GTF2E2: variants seen among roughly 807,000 people sequenced by gnomAD.
GTF2E2 encodes the protein transcription initiation factor IIE subunit beta.
GTF2E2 carries 21 observed loss-of-function variants against 40.5 expected under a neutral mutation model. The ratio of observed to expected loss-of-function variants is 0.52; its 90% CI spans 0.37 to 0.75. The LOEUF is 0.75. GTF2E2 is among the 30% of genes least tolerant of loss of function. The pLI is 0.00. For missense variants in GTF2E2, 298 were observed against 338.4 expected, an observed-to-expected ratio of 0.88 and a Z score of 0.94; for synonymous variants, 117 against 121.6, an observed-to-expected ratio of 0.96 and a Z score of 0.25.
chr8:30,595,283 C>T (rs1007404485), intron 6 of GTF2E2, among the ~76,000 whole-genome samples: 1 of 152,072 alleles, frequency 6.6e-6, no homozygotes, highest in African/African-American at 2.4e-5. Flanking sequence ...TTTTATTTCC[C>T]ATAACACGCC....
intron 2 of GTF2E2, chr8:30,644,592 C>T (rs1233896278): frequency 6.6e-6 from 1 of 152,116 alleles, no homozygotes; most frequent in Non-Finnish European, 1.5e-5. Flanking sequence ...ATCCACAAGG[C>T]TAATGATAAA....
chr8:30,639,233 A>G (rs1801722871), intron 2 of GTF2E2, among the ~76,000 whole-genome samples: 1 of 152,216 alleles, frequency 6.6e-6, no homozygotes, highest in Non-Finnish European at 1.5e-5. Context: ...AAAAGGTATC[A>G]CTATATGGGC....
intron 2 of GTF2E2, among the ~76,000 whole-genome samples, chr8:30,641,441 C>A (rs1745208594): frequency 6.6e-6 from 1 of 152,178 alleles, no homozygotes; most frequent in Non-Finnish European, 1.5e-5. Flanking sequence ...CAGCTCACTG[C>A]AACCTCAACC....
At chr8:30,600,901 T>C (rs1829159799) in intron 6 of GTF2E2, among the ~76,000 whole-genome samples, 3 of 152,202 alleles carry the variant, frequency 2.0e-5, no homozygotes, top group Admixed American at 2.0e-4. Context: ...TCAGAGTTCC[T>C]CTCTATGGCT....
chr8:30,587,138 C>A (rs1402966263), intron 6 of GTF2E2, among the ~76,000 whole-genome samples: 1 of 152,150 alleles, frequency 6.6e-6, no homozygotes, highest in Non-Finnish European at 1.5e-5. Context: ...AGGGCAGGTG[C>A]CACAACTCAT....
intron 3 of GTF2E2, among the ~76,000 whole-genome samples, chr8:30,634,406 C>T (rs1200487144): frequency 6.6e-6 from 1 of 151,952 alleles, no homozygotes; most frequent in African/African-American, 2.4e-5. Context: ...TACGATCGTG[C>T]CACTGCACTC....
chr8:30,625,016 T>C (rs1018135615), intron 3 of GTF2E2, among the ~76,000 whole-genome samples: 4 of 151,898 alleles, frequency 2.6e-5, no homozygotes, highest in African/African-American at 4.9e-5. Context: ...TCCTGCCTGA[T>C]TGCCCTGGCC....
In GTF2E2 at chr8:30,617,425, G is replaced by T. The variant is rs78015467; in HGVS notation, c.259-2710C>A. ...GAGCAGAAGAGCTCCCAATAGAGGGGAGAAGCTAAACATACAAGCTACAAA... is the reference window on the plus strand; with the variant it reads ...GAGCAGAAGAGCTCCCAATAGAGGGTAGAAGCTAAACATACAAGCTACAAA... On this transcript the variant is annotated intron_variant, in intron 3 of 7. Coordinates refer to ENST00000355904, the MANE Select transcript of GTF2E2 (RefSeq NM_002095.6). Among the ~76,000 whole-genome samples the T allele has an allele frequency of 4.8e-3, 726 of 152,224 alleles. 8 individuals are homozygous for T. The highest frequency in any genetic ancestry group is 0.017 in the African/African-American group (697 of 41,528).
intron 3 of GTF2E2, among the ~76,000 whole-genome samples, chr8:30,628,368 T>C (rs997302307): frequency 6.6e-6 from 1 of 152,216 alleles, no homozygotes; most frequent in Non-Finnish European, 1.5e-5. Flanking sequence ...AGCAGGCTAA[T>C]AAGCTGGGCG....
At chr8:30,613,068 C>G (rs1404340019) in intron 4 of GTF2E2, among the ~76,000 whole-genome samples, 1 of 152,184 alleles carries the variant, frequency 6.6e-6, no homozygotes, top group East Asian at 1.9e-4. Flanking sequence ...ATCACAACTA[C>G]TTTGAAAAAA....
chr8:30,626,008 T>C (rs536325152), intron 3 of GTF2E2, among the ~76,000 whole-genome samples: 1 of 152,256 alleles, frequency 6.6e-6, no homozygotes, highest in African/African-American at 2.4e-5. Flanking sequence ...GCAGCTCCCT[T>C]CCCAAATTAC....
chr8:30,580,028 T>C (rs1828468536), intron 7 of GTF2E2, among the ~76,000 whole-genome samples: 1 of 152,130 alleles, frequency 6.6e-6, no homozygotes, highest in Non-Finnish European at 1.5e-5. Context: ...ACACAGGCCC[T>C]GGAAGGTTCC....
intron 3 of GTF2E2, among the ~76,000 whole-genome samples, chr8:30,623,651 G>A (rs74427923): frequency 0.79 from 119,882 of 151,650 alleles, 48,102 homozygotes; most frequent in African/African-American, 0.89. Context: ...AAGTGTTCCT[G>A]TTTCTCCACA....
intron 2 of GTF2E2, among the ~76,000 whole-genome samples, chr8:30,636,406 T>C (rs1024766768): frequency 1.3e-5 from 2 of 152,162 alleles, no homozygotes; most frequent in Non-Finnish European, 1.5e-5. Flanking sequence ...AAGTCAAATG[T>C]AACAACTGTC....
intron 5 of GTF2E2, among the ~76,000 whole-genome samples, chr8:30,609,352 A>T (rs1209267522): frequency 1.3e-4 from 1 of 7,912 alleles, no homozygotes; most frequent in East Asian, 7.5e-4. Context: ...GGAATGTTTA[A>T]ACTGGTATAA....
intron 2 of GTF2E2, among the ~76,000 whole-genome samples, chr8:30,635,928 A>C (rs1310989668): frequency 6.6e-6 from 1 of 152,188 alleles, no homozygotes; most frequent in East Asian, 1.9e-4. Context: ...TATCACAATT[A>C]TTTTAAAGTA....
At position 30,629,562 on chromosome 8, in the gene GTF2E2, G is replaced by A. The variant is rs1009718035; in HGVS notation, c.258+5470C>T. Reference sequence around the variant, plus strand: ...AAATTAGCCAGGCGTGGTGGCAGGCGCCTGTAGTCCCAGCTCCTCGGGAGG... The same window carrying A: ...AAATTAGCCAGGCGTGGTGGCAGGCACCTGTAGTCCCAGCTCCTCGGGAGG... On this transcript the variant is annotated intron_variant, in intron 3 of 7. Transcript: ENST00000355904. Among the ~76,000 whole-genome samples the A allele has an allele frequency of 5.3e-5, 8 of 151,868 alleles. No homozygotes were observed. The East Asian group carries it at 1.2e-3, about 22-fold the overall frequency.
chr8:30,610,443 C>CAAA lies in GTF2E2; in HGVS notation c.549+1853_549+1855dup, dbSNP rs34094808. Among the ~76,000 whole-genome samples the CAAA allele has an allele frequency of 7.2e-4, 64 of 89,440 alleles. 1 individual carries two copies. The highest frequency in any genetic ancestry group is 2.7e-3 in the African/African-American group (55 of 20,080). The allele number at this position is 89,440 out of a possible 152,430, so 58.7% of individuals were successfully genotyped here. A position where few individuals can be genotyped will look rare whatever the true frequency, so the allele number is the denominator to read the frequency against. ...CATGGGTGACAGTGTGACTCTGTCTCAAAAAAAAAAAAAAAAAAAGGCTAC... is the reference window on the plus strand; with the variant it reads ...CATGGGTGACAGTGTGACTCTGTCTCAAAAAAAAAAAAAAAAAAAAAAGGCTAC... On this transcript the variant is annotated intron_variant, in intron 5 of 7. Transcript: ENST00000355904.
intron 3 of GTF2E2, 47 bp downstream of exon 3, chr8:30,634,985 T>C (rs757391859): frequency 2.9e-6 from 3 of 1,034,738 alleles, no homozygotes; most frequent in South Asian, 2.7e-5. Flanking sequence ...CTCCTTCTTT[T>C]GCCAAAAAGT....
Sources: gnomAD v4.1 joint callset for allele counts (sites outside exome capture counted in the v4.1 genomes callset) on GRCh38, gnomAD v4.1.1 for gene constraint, MANE v1.5 for transcripts, NCBI Gene and HGNC (gene_info 2026-07-23, HGNC 2026-07-21) for gene names.